Variants in COL4A6 observed in about 807,000 individuals in gnomAD.
COL4A6 encodes the protein collagen type IV alpha 6 chain.
A neutral mutation model predicts 126.7 loss-of-function variants in COL4A6; 59 were observed. The observed-to-expected ratio is 0.47, with a 90% confidence interval of 0.38 to 0.58. COL4A6 has a LOEUF of 0.58. COL4A6 is among the 20% of genes least tolerant of loss of function. The probability of loss-of-function intolerance (pLI) is 0.00; values close to 1 mark genes in which losing one functional copy is unlikely to be tolerated. For missense variants in COL4A6, 1,285 were observed against 1,337.3 expected, an observed-to-expected ratio of 0.96 and a Z score of 0.61; for synonymous variants, 547 against 496.6, an observed-to-expected ratio of 1.10 and a Z score of -1.35.
Position 108,342,451 on chromosome X carries a change from G to T in COL4A6, c.64-31623C>A, listed in dbSNP as rs749841823. 7.3e-4 allele frequency among the ~76,000 whole-genome samples: 82 copies of T among 111,692 alleles called. 1 individual carries two copies. The highest frequency in any genetic ancestry group is 2.6e-3 in the African/African-American group (80 of 30,766). ...CTGACAAAATTAAATTCCCAAGTGG[G>T]CAAAGCTTAGGGCCAGACCCAGAAA... On this transcript the variant is annotated intron_variant, in intron 2 of 44. Transcript: ENST00000334504.
chrX:108,162,719 C>G (rs1257706405), intron 41 of COL4A6, among the ~76,000 whole-genome samples, 173 bp downstream of exon 41: 1 of 111,763 alleles, frequency 8.9e-6, no homozygotes, highest in Admixed American at 9.4e-5. Context: ...GTACAACCAC[C>G]CTGCTGGTCC....
At chrX:108,197,365 G>C (rs1446246931) in intron 13 of COL4A6, among the ~76,000 whole-genome samples, 4 of 111,959 alleles carry the variant, frequency 3.6e-5, no homozygotes, top group Non-Finnish European at 7.5e-5. Context: ...GAAAATGTCT[G>C]GGCCCCCAAG....
chrX:108,334,498 A>G, intron 2 of COL4A6, among the ~76,000 whole-genome samples: 2 of 112,020 alleles, frequency 1.8e-5, no homozygotes, highest in Middle Eastern at 9.1e-3. Flanking sequence ...TTCTCCCAAC[A>G]TTTAATCATT....
intron 3 of COL4A6, among the ~76,000 whole-genome samples, chrX:108,238,543 A>T (rs2148313321): frequency 9.1e-6 from 1 of 109,328 alleles, no homozygotes; most frequent in Non-Finnish European, 1.9e-5. Context: ...CCCTTATGTA[A>T]TATTCAAAAG....
intron 2 of COL4A6, among the ~76,000 whole-genome samples, chrX:108,335,655 C>CTAA (rs1384826210): frequency 9.0e-6 from 1 of 110,710 alleles, no homozygotes; most frequent in Non-Finnish European, 1.9e-5. Context: ...ATGCACAATT[C>CTAA]TAATAATTTA....
chrX:108,434,482 T>C (rs1266165933), intron 2 of COL4A6, among the ~76,000 whole-genome samples: 17 of 110,329 alleles, frequency 1.5e-4, no homozygotes, highest in African/African-American at 5.6e-4. Context: ...GTTTTAGAAG[T>C]ATACAATAAA....
chrX:108,204,929 GAGA>G (rs1350337660), intron 11 of COL4A6, among the ~76,000 whole-genome samples: 4 of 109,779 alleles, frequency 3.6e-5, no homozygotes, highest in African/African-American at 6.6e-5. Context: ...AGAGAAATGA[GAGA>G]AGGAGGGAAA....
At chrX:108,180,759 C>T in intron 24 of COL4A6, 137 bp from the exon 25 acceptor site, 2 of 801,408 alleles carry the variant, frequency 2.5e-6, no homozygotes, top group Non-Finnish European at 3.7e-6. Flanking sequence ...TCTCCAGCAG[C>T]CATCCTGTTT....
At chrX:108,299,382 T>A (rs1162935931) in intron 3 of COL4A6, among the ~76,000 whole-genome samples, 1 of 111,363 alleles carries the variant, frequency 9.0e-6, no homozygotes, top group Non-Finnish European at 1.9e-5. Flanking sequence ...TTTAGACCTG[T>A]CTCTTCCTTT....
In COL4A6 at chrX:108,174,788, C is replaced by CA. The variant is rs200496786; in HGVS notation, c.2957-168dup. Reference sequence around the variant, plus strand: ...TGCTTTCAGTCTTATGGGGCATCGACAGAGTTGCTTCTGCTATACCACTGG... The same window carrying CA: ...TGCTTTCAGTCTTATGGGGCATCGACAAGAGTTGCTTCTGCTATACCACTGG... On this transcript the variant is annotated intron_variant, in intron 30 of 44. Coordinates refer to ENST00000334504, the MANE Select transcript of COL4A6 (RefSeq NM_033641.4). Among the ~76,000 whole-genome samples, 981 of 111,668 alleles carry CA rather than the reference C, an allele frequency of 8.8e-3. 8 individuals carry two copies. Among genetic ancestry groups the CA allele is most frequent in the Non-Finnish European group, 0.015 (775 of 53,048 alleles).
At chrX:108,404,857 C>T (rs999095012) in intron 2 of COL4A6, among the ~76,000 whole-genome samples, 6 of 111,990 alleles carry the variant, frequency 5.4e-5, no homozygotes, top group Non-Finnish European at 9.4e-5. Context: ...GATTTAATCC[C>T]TTTCTTTTCA....
At chrX:108,169,018 A>G (rs1474648689) in intron 37 of COL4A6, among the ~76,000 whole-genome samples, 1 of 111,223 alleles carries the variant, frequency 9.0e-6, no homozygotes, top group African/African-American at 3.3e-5. Flanking sequence ...AACCCAACAA[A>G]TTCTAGTTGA....
chrX:108,352,180 C>T (rs1482728817), intron 2 of COL4A6, among the ~76,000 whole-genome samples: 1 of 112,254 alleles, frequency 8.9e-6, no homozygotes, highest in African/African-American at 3.2e-5. Flanking sequence ...CCTGCTGTTG[C>T]TTCCATTTTA....
intron 2 of COL4A6, among the ~76,000 whole-genome samples, chrX:108,391,635 G>T (rs760759562): frequency 1.8e-5 from 2 of 112,222 alleles, no homozygotes; most frequent in East Asian, 5.6e-4. Flanking sequence ...GGGACCCCCC[G>T]AGCCAGGCAC....
intron 3 of COL4A6, among the ~76,000 whole-genome samples, chrX:108,237,377 C>T (rs932484431): frequency 8.9e-6 from 1 of 111,862 alleles, no homozygotes; most frequent in African/African-American, 3.3e-5. Flanking sequence ...CCGCAAAACA[C>T]CCCTACCTGC....
intron 2 of COL4A6, among the ~76,000 whole-genome samples, chrX:108,373,599 C>T (rs1475377493): frequency 9.0e-6 from 1 of 111,172 alleles, no homozygotes; most frequent in Non-Finnish European, 1.9e-5. Context: ...GTTACTCCAC[C>T]CCCATCCCTG....
At chrX:108,294,608 A>T (rs1337272174) in intron 3 of COL4A6, among the ~76,000 whole-genome samples, 1 of 111,030 alleles carries the variant, frequency 9.0e-6, no homozygotes, top group East Asian at 2.8e-4. Context: ...CAAATAAAGA[A>T]CCATCAGGGA....
intron 2 of COL4A6, among the ~76,000 whole-genome samples, chrX:108,315,192 C>T (rs112137199): frequency 1.2e-3 from 129 of 112,041 alleles, no homozygotes; most frequent in African/African-American, 3.8e-3. Flanking sequence ...GTACTTTTTT[C>T]CCCCAGATCA....
chrX:108,164,730 C>T, intron 39 of COL4A6, 32 bp from the exon 40 acceptor site: 1 of 1,200,223 alleles, frequency 8.3e-7, no homozygotes, highest in Non-Finnish European at 1.1e-6. Flanking sequence ...AAGTCAGGTC[C>T]CGGCATGGTA....
Sources: gnomAD v4.1 joint callset for allele counts (sites outside exome capture counted in the v4.1 genomes callset) on GRCh38, gnomAD v4.1.1 for gene constraint, MANE v1.5 for transcripts, NCBI Gene and HGNC (gene_info 2026-07-23, HGNC 2026-07-21) for gene names.